CPM: variants seen among roughly 807,000 people sequenced by gnomAD.
CPM encodes renal carboxypeptidase.
A neutral mutation model predicts 46.4 loss-of-function variants in CPM; 35 were observed. The ratio of observed to expected loss-of-function variants is 0.75; its 90% CI spans 0.58 to 1.00. The LOEUF is 1.00. Ranked by LOEUF, CPM falls within the 50% of genes least tolerant of loss-of-function variation. The pLI is 0.00. For synonymous variants in CPM, 195 were observed against 195.3 expected (o/e 1.00, Z 0.01); for missense variants, 422 against 530.4 (o/e 0.80, Z 2.01).
At chr12:68,842,840 T>C (rs1565751742) in intron 5 of CPM, 1 of 203,166 alleles carries the variant, frequency 4.9e-6, no homozygotes, top group Non-Finnish European at 1.0e-5. Flanking sequence ...ATTAGTGTCT[T>C]AGAACAAAAT....
chr12:68,887,937 G>T (rs996865217), intron 2 of CPM, among the ~76,000 whole-genome samples: 1 of 152,170 alleles, frequency 6.6e-6, no homozygotes, highest in Non-Finnish European at 1.5e-5. Context: ...CCCATCAGAA[G>T]CATTTGATTA....
chr12:68,929,040 T>C lies in CPM; in HGVS notation c.160+3638A>G, dbSNP rs78270757. 6.3e-3 allele frequency among the ~76,000 whole-genome samples: 963 copies of C among 151,934 alleles called. 13 individuals are homozygous for C. The highest frequency in any genetic ancestry group is 0.022 in the African/African-American group (901 of 41,412). On this transcript the variant is annotated intron_variant, in intron 2 of 8. Transcript: ENST00000551568. Reference sequence around the variant, plus strand: ...GATTCTTAAAATAGATGGTAGGAAATCTCATTTAAAATGGCCCTTTGGGGT... The same window carrying C: ...GATTCTTAAAATAGATGGTAGGAAACCTCATTTAAAATGGCCCTTTGGGGT...
chr12:68,925,839 C>CAT (rs1203327976), intron 2 of CPM, among the ~76,000 whole-genome samples: 2 of 152,200 alleles, frequency 1.3e-5, no homozygotes, highest in East Asian at 3.9e-4. Context: ...TAATGCAAGT[C>CAT]ATATATATAA....
chr12:68,858,944 C>G lies in CPM; in HGVS notation c.1068G>C (p.Leu356Phe). 1 of 1,504,652 alleles carries G rather than the reference C, an allele frequency of 6.6e-7. No homozygotes were observed. Among genetic ancestry groups the G allele is most frequent in the Non-Finnish European group, 8.9e-7 (1 of 1,126,040 alleles). The allele number at this position is 1,504,652 out of a possible 1,614,324, so 93.2% of individuals were successfully genotyped here. Reference protein sequence around the residue: ...NKYGEYYLLLLPGSYIINVTV... With the variant: ...NKYGEYYLLLFPGSYIINVTV... ...TTACATTTATTATATAAGACCCAGG[C>G]AAGAGAAGGAGATAATACTCTCCAT... Residue 356 changes from leucine to phenylalanine, a missense_variant, in exon 8 of 9, where the codon TTG becomes TTC. By Grantham distance (22) the Leu-to-Phe change is conservative (BLOSUM62 0). Transcript: ENST00000551568.
At chr12:68,934,915 C>A (rs906220436), upstream of CPM, among the ~76,000 whole-genome samples, 16 of 151,602 alleles carry the variant, frequency 1.1e-4, no homozygotes, top group East Asian at 3.9e-4. Context: ...TTTTTTATTT[C>A]TTTCTTTATT....
At chr12:68,844,219 A>T (rs773409112) in intron 5 of CPM, 6 of 210,676 alleles carry the variant, frequency 2.8e-5, no homozygotes. Context: ...AATTTTTATG[A>T]GTTGTTAAAA....
chr12:68,929,035 G>A (rs1888392354), intron 2 of CPM, among the ~76,000 whole-genome samples: 1 of 151,842 alleles, frequency 6.6e-6, no homozygotes, highest in Non-Finnish European at 1.5e-5. Flanking sequence ...ATAGATGGTA[G>A]GAAATCTCAT....
chr12:68,883,657 G>A (rs950383182), intron 3 of CPM, among the ~76,000 whole-genome samples: 6 of 152,234 alleles, frequency 3.9e-5, no homozygotes, highest in Middle Eastern at 3.4e-3. Context: ...AAACAAATTC[G>A]GGGGTAGGGG....
Position 68,859,088 on chromosome 12 carries a change from A to C in CPM, c.941-17T>G, listed in dbSNP as rs1885100361. 7.1e-7 allele frequency: 1 copy of C among 1,405,522 alleles called. No individual in the cohort carries two copies. The highest frequency in any genetic ancestry group is 2.6e-5 in the Admixed American group (1 of 38,924). 87.1% of individuals were successfully genotyped at this position (1,405,522 alleles called of 1,614,324 possible). ...CCTTTACACCTGCAAGACAAAAATAAAATTAAATATTAATACCATATTTTA... is the reference window on the plus strand; with the variant it reads ...CCTTTACACCTGCAAGACAAAAATACAATTAAATATTAATACCATATTTTA... On this transcript the variant is annotated splice_polypyrimidine_tract_variant and intron_variant, in intron 7 of 8. Coordinates refer to ENST00000551568, the MANE Select transcript of CPM (RefSeq NM_198320.5).
intron 6 of CPM, 109 bp from the exon 7 acceptor site, chr12:68,867,157 A>T: frequency 9.1e-7 from 1 of 1,103,278 alleles, no homozygotes; most frequent in Non-Finnish European, 1.4e-6. Context: ...AACAGGAAAA[A>T]ATGAATTTGA....
intron 2 of CPM, among the ~76,000 whole-genome samples, chr12:68,918,153 A>C (rs909390640): frequency 2.6e-5 from 4 of 152,136 alleles, no homozygotes; most frequent in Admixed American, 2.6e-4. Flanking sequence ...GACATCTGTG[A>C]CATCACTCTT....
At position 68,932,778 on chromosome 12, in the gene CPM, G is replaced by A. The variant is rs1046809667; in HGVS notation, c.60C>T (p.Phe20=). The change falls in exon 2 of 9, where the codon TTC becomes TTT. Residue 20 remains phenylalanine, a synonymous_variant. Transcript: ENST00000551568. Reference sequence around the variant, plus strand: ...CCATCCCTTCCTGGCGGTGGTAGTTGAAATCCAGCGCAGCTACCAAAGGCA... The same window carrying A: ...CCATCCCTTCCTGGCGGTGGTAGTTAAAATCCAGCGCAGCTACCAAAGGCA... ...LLLPLVAALD[F]NYHRQEGMEA... 6.2e-7 allele frequency: 1 copy of A among 1,614,176 alleles called. No homozygotes were observed.
upstream of CPM, among the ~76,000 whole-genome samples, chr12:68,936,662 G>A (rs1307659891): frequency 1.3e-5 from 2 of 152,308 alleles, no homozygotes; most frequent in Admixed American, 1.3e-4. Context: ...GGGATTACAG[G>A]TGTGAGCCAC....
chr12:68,932,941 C>G, intron 1 of CPM, 101 bp from the exon 2 acceptor site: 1 of 1,039,702 alleles, frequency 9.6e-7, no homozygotes, highest in Non-Finnish European at 1.4e-6. Context: ...TCTCCCGACA[C>G]TGACGCTCCC....
intron 1 of CPM, among the ~76,000 whole-genome samples, chr12:68,961,906 C>T (rs10784740): frequency 0.86 from 130,011 of 151,948 alleles, 55,773 homozygotes; most frequent in East Asian, 0.93. Context: ...TTTTAAAAAA[C>T]TGTGGTAATA....
In CPM at chr12:68,947,554, G is replaced by A. The variant is rs573217522; in HGVS notation, c.-3-14714C>T. On this transcript the variant is annotated intron_variant, in intron 1 of 8. Transcript: ENST00000546373. The stretch of plus-strand genomic sequence containing the variant: ...GGAGCTTGCAGTGAGCTGAGATCGC[G>A]CCATTGCACTCCAGCCTGGGCAACA... Among the ~76,000 whole-genome samples, 145 of 151,248 alleles carry A rather than the reference G, an allele frequency of 9.6e-4. 1 individual carries two copies. The highest frequency in any genetic ancestry group is 1.7e-3 in the South Asian group (8 of 4,788).
chr12:68,933,745 C>T (rs532039012), upstream of CPM, among the ~76,000 whole-genome samples: 1 of 152,306 alleles, frequency 6.6e-6, no homozygotes, highest in Non-Finnish European at 1.5e-5. Context: ...CGAGAAAGAA[C>T]GCGCGCGTGT....
intron 1 of CPM, among the ~76,000 whole-genome samples, chr12:68,955,543 T>A (rs1429849595): frequency 6.6e-6 from 1 of 152,124 alleles, no homozygotes; most frequent in Non-Finnish European, 1.5e-5. Context: ...TTTATACCTC[T>A]TTTAGTCCTG....
chr12:68,869,159 C>G (rs1885581971), intron 6 of CPM, among the ~76,000 whole-genome samples, 166 bp downstream of exon 6: 1 of 152,178 alleles, frequency 6.6e-6, no homozygotes, highest in Non-Finnish European at 1.5e-5. Context: ...GAGCATCTCT[C>G]AAACAATCAG....
Sources: gnomAD v4.1 joint callset for allele counts (sites outside exome capture counted in the v4.1 genomes callset) on GRCh38, gnomAD v4.1.1 for gene constraint, MANE v1.5 for transcripts, NCBI Gene and HGNC (gene_info 2026-07-23, HGNC 2026-07-21) for gene names.